SMCO2: variants seen among roughly 807,000 people sequenced by gnomAD.
SMCO2 encodes the protein single-pass membrane protein with coiled-coil domains 2, also known as single-pass membrane and coiled-coil domain-containing protein 2.
SMCO2 carries 25 observed loss-of-function variants against 29.5 expected under a neutral mutation model. The observed-to-expected ratio is 0.85, with a 90% confidence interval of 0.62 to 1.18. The LOEUF is 1.18. Among genes scored for constraint, SMCO2 ranks in the 50% most tolerant of loss-of-function variants. SMCO2 has a pLI of 0.00. For synonymous variants in SMCO2, 117 were observed against 123.3 expected, an observed-to-expected ratio of 0.95 and a Z score of 0.34; for missense variants, 348 against 344.5, an observed-to-expected ratio of 1.01 and a Z score of -0.08.
intron 7 of SMCO2, among the ~76,000 whole-genome samples, chr12:27,501,341 A>C (rs1257388021): frequency 7.0e-6 from 1 of 142,680 alleles, no homozygotes; most frequent in Admixed American, 7.1e-5. Flanking sequence ...ACATGAACCC[A>C]AGAGGCAGAG....
chr12:27,430,228 TTGTC>T, the SMCO2 span, among the ~76,000 whole-genome samples: 60 of 152,318 alleles, frequency 3.9e-4, no homozygotes, highest in African/African-American at 1.4e-3. Context: ...ATTAATGTGA[TTGTC>T]TGTTCTTTCA....
In SMCO2 at chr12:27,499,163, T is replaced by C. The variant is rs529021290; in HGVS notation, c.684-2760T>C. Among the ~76,000 whole-genome samples the C allele has an allele frequency of 6.6e-5, 10 of 150,850 alleles. No homozygotes were observed. The East Asian group carries it at 1.9e-3, about 29-fold the overall frequency. On this transcript the variant is annotated intron_variant, in intron 7 of 7. Coordinates refer to ENST00000298876, the Ensembl canonical transcript of SMCO2. ...ATGTTCATGGCAGCATTATTCATAA[T>C]AGCCAAAAAGTAGAAACAATCCAAA... is the stretch of plus-strand genomic sequence containing the variant.
chr12:27,433,760 G>C, the SMCO2 span, among the ~76,000 whole-genome samples: 13 of 152,222 alleles, frequency 8.5e-5, no homozygotes. Flanking sequence ...CTGCCTAGAG[G>C]CCGTTCTTCC....
At chr12:27,478,142 A>C (rs1949606518) in intron 4 of SMCO2, among the ~76,000 whole-genome samples, 1 of 152,194 alleles carries the variant, frequency 6.6e-6, no homozygotes, top group Non-Finnish European at 1.5e-5. Context: ...GGGTGGGCAT[A>C]CTAGTGTAGT....
chr12:27,454,182 C>G, the SMCO2 span, among the ~76,000 whole-genome samples: 15 of 152,274 alleles, frequency 9.9e-5, no homozygotes, highest in South Asian at 2.1e-4. Flanking sequence ...ACAGGCCACA[C>G]TATATTGCCC....
At chr12:27,495,751 C>T (rs1421811915) in exon 7 of SMCO2, 2 of 1,540,298 alleles carry the variant, frequency 1.3e-6, no homozygotes, top group Non-Finnish European at 1.8e-6. Context: ...AGGACACTGA[C>T]TCTCACAGTT....
chr12:27,498,218 T>C (rs694866), intron 7 of SMCO2: 54,497 of 315,806 alleles, frequency 0.17, 8,590 homozygotes, highest in African/African-American at 0.42. Context: ...TTACTTTTTG[T>C]GTGGTTTCAC....
At chr12:27,437,627 G>A in the SMCO2 span, among the ~76,000 whole-genome samples, 1 of 152,002 alleles carries the variant, frequency 6.6e-6, no homozygotes, top group Non-Finnish European at 1.5e-5. Context: ...AATATTATAA[G>A]TACAACTGGC....
At chr12:27,461,212 C>T in the SMCO2 span, among the ~76,000 whole-genome samples, 1 of 151,954 alleles carries the variant, frequency 6.6e-6, no homozygotes, top group African/African-American at 2.4e-5. Flanking sequence ...TGTTCTTAAA[C>T]TTTTATTATT....
At chr12:27,481,569 T>C (rs1949643850) in intron 4 of SMCO2, among the ~76,000 whole-genome samples, 1 of 152,224 alleles carries the variant, frequency 6.6e-6, no homozygotes, top group African/African-American at 2.4e-5. Context: ...TCCTTAAATG[T>C]GGGATTGGAT....
intron 4 of SMCO2, among the ~76,000 whole-genome samples, chr12:27,477,552 A>G (rs1328486707): frequency 8.1e-6 from 1 of 124,182 alleles, no homozygotes; most frequent in Non-Finnish European, 1.6e-5. Context: ...CTTATTCTCT[A>G]TCTGGAACTC....
chr12:27,470,088 C>A (rs1949528578), intron 1 of SMCO2, among the ~76,000 whole-genome samples: 1 of 152,052 alleles, frequency 6.6e-6, no homozygotes, highest in African/African-American at 2.4e-5. Flanking sequence ...TACTACTAAG[C>A]AATTAGAAAT....
intron 1 of SMCO2, among the ~76,000 whole-genome samples, chr12:27,468,812 G>C (rs1004014566): frequency 2.6e-5 from 4 of 152,146 alleles, no homozygotes; most frequent in Non-Finnish European, 5.9e-5. Flanking sequence ...CATAGGCTCC[G>C]TTAATACACA....
upstream of SMCO2, among the ~76,000 whole-genome samples, chr12:27,464,677 A>G (rs1949483569): frequency 6.9e-6 from 1 of 145,872 alleles, no homozygotes; most frequent in African/African-American, 2.6e-5. Context: ...TGATTGTGCC[A>G]CTGAACTCCA....
intron 4 of SMCO2, among the ~76,000 whole-genome samples, chr12:27,485,863 G>T (rs371859886): frequency 5.9e-4 from 90 of 152,276 alleles, no homozygotes; most frequent in African/African-American, 1.9e-3. Context: ...GGAGACATTT[G>T]TGTGTACATT....
chr12:27,440,341 A>C, the SMCO2 span, among the ~76,000 whole-genome samples: 1 of 152,084 alleles, frequency 6.6e-6, no homozygotes, highest in Non-Finnish European at 1.5e-5. Flanking sequence ...TCTGTTGTGC[A>C]AGAAAAGCTA....
the SMCO2 span, among the ~76,000 whole-genome samples, chr12:27,430,764 A>G: frequency 6.6e-6 from 1 of 152,138 alleles, no homozygotes; most frequent in East Asian, 1.9e-4. Context: ...AATCCTGAAG[A>G]TAAATGCTGG....
chr12:27,495,716 C>T, exon 7 of SMCO2: 1 of 1,528,966 alleles, frequency 6.5e-7, no homozygotes, highest in East Asian at 2.5e-5. Flanking sequence ...GAGTGCAAAG[C>T]TAAGGATGTA....
At chr12:27,476,441 A>G (rs945033971) in intron 4 of SMCO2, among the ~76,000 whole-genome samples, 5 of 152,176 alleles carry the variant, frequency 3.3e-5, no homozygotes, top group African/African-American at 1.2e-4. Context: ...TGATATGTCC[A>G]ATGCTGTGAG....
Sources: allele counts gnomAD v4.1 joint callset (sites outside exome capture counted in the v4.1 genomes callset), GRCh38; gene constraint gnomAD v4.1.1; transcripts MANE v1.5; gene names NCBI Gene and HGNC (gene_info 2026-07-23, HGNC 2026-07-21).